MRO: variants seen among roughly 807,000 people sequenced by gnomAD.
MRO encodes the protein maestro, also known as protein maestro.
In MRO, 28 loss-of-function variants were observed where a neutral mutation model predicts 31.0. That is an observed-to-expected ratio of 0.90 (90% CI 0.67 to 1.24). The LOEUF (loss-of-function observed/expected upper bound fraction) is 1.24. Among genes scored for constraint, MRO ranks in the 50% most tolerant of loss-of-function variants. MRO has a pLI of 0.00. For synonymous variants in MRO, 108 were observed against 108.4 expected (o/e 1.00, Z 0.02); for missense variants, 332 against 289.2 (o/e 1.15, Z -1.07).
rs773168589 is a variant in MRO at position 50,805,149 on chromosome 18, C to G, written c.429+5G>C. 6.2e-7 allele frequency: 1 copy of G among 1,606,906 alleles called. No individual in the cohort carries two copies. The highest frequency in any genetic ancestry group is 8.5e-7 in the Non-Finnish European group (1 of 1,174,068). ...AATAACCCAGAATTTTTCTGATTTA[C>G]TTACGTCATCTAATAAAGTCCTGGT... On this transcript the variant is annotated splice_donor_5th_base_variant and intron_variant, in intron 5 of 7. Coordinates refer to ENST00000398439, the MANE Select transcript of MRO (RefSeq NM_031939.6).
At chr18:50,820,035 C>T, upstream of MRO, 8 of 1,317,454 alleles carry the variant, frequency 6.1e-6, no homozygotes, top group Non-Finnish European at 8.6e-6. Context: ...TTCCTCTGCA[C>T]CAAACAAAAC....
chr18:50,819,039 C>A (rs946675585), intron 2 of MRO, among the ~76,000 whole-genome samples: 1 of 151,094 alleles, frequency 6.6e-6, no homozygotes, highest in Admixed American at 6.6e-5. Context: ...GGCAACACAA[C>A]AAGACCCTGT....
rs141043088 is a variant in MRO, at chr18:50,808,645, C to T, written c.99+657G>A. ...CTAATTTTTGTGTTTTTGGTAGAGA[C>T]AGGGTTTTGCCACGTTGCCGGCTGG... On this transcript the variant is annotated intron_variant, in intron 3 of 7. Coordinates refer to ENST00000398439, the MANE Select transcript of MRO (RefSeq NM_031939.6). Among the ~76,000 whole-genome samples, 1,286 of 150,782 alleles carry T rather than the reference C, an allele frequency of 8.5e-3. 14 individuals are homozygous for T. The highest frequency in any genetic ancestry group is 0.028 in the African/African-American group (1,137 of 40,836).
At chr18:50,804,495 A>G (rs934758441) in intron 5 of MRO, among the ~76,000 whole-genome samples, 2 of 152,056 alleles carry the variant, frequency 1.3e-5, no homozygotes, top group East Asian at 3.9e-4. Context: ...CTGCGGTGGC[A>G]TGTGCCTATA....
intron 2 of MRO, among the ~76,000 whole-genome samples, chr18:50,811,037 A>G (rs1435766272): frequency 6.6e-6 from 1 of 152,180 alleles, no homozygotes; most frequent in Admixed American, 6.5e-5. Context: ...CAGAGCGTAT[A>G]TGACACATTG....
rs1913048983 is a variant in MRO at position 50,799,273 on chromosome 18, A to C, written c.*64T>G. 1 of 1,412,612 alleles carries C rather than the reference A, an allele frequency of 7.1e-7. No individual in the cohort carries two copies. Among genetic ancestry groups the C allele is most frequent in the Non-Finnish European group, 1.0e-6 (1 of 996,764 alleles). The allele number at this position is 1,412,612 out of a possible 1,614,324, so 87.5% of individuals were successfully genotyped here. A position where few individuals can be genotyped will look rare whatever the true frequency, so the allele number is the denominator to read the frequency against. ...GTGAGAAGAGGCATCCAGTGAGATA[A>C]AACAGGGGAACATGATGGCTCAGCA... On this transcript the variant is annotated 3_prime_UTR_variant, in exon 8 of 8. Coordinates refer to ENST00000398439, the MANE Select transcript of MRO (RefSeq NM_031939.6).
rs185968973 is a variant in MRO, at chr18:50,799,370, G to T, written c.714C>A (p.Ile238=). Residue 238 remains isoleucine (I), a synonymous_variant, in exon 8 of 8, where the codon ATC becomes ATA. Coordinates refer to ENST00000398439, the MANE Select transcript of MRO (RefSeq NM_031939.6). ...YQQLSHYHPE[I]LQFFYANKIL ...TTTTATTTGCGTAGAAGAACTGCAGGATCTCTGGATGATAGTGGCTCTGAA... is the reference window on the plus strand; with the variant it reads ...TTTTATTTGCGTAGAAGAACTGCAGTATCTCTGGATGATAGTGGCTCTGAA... The T allele has an allele frequency of 2.0e-5, 32 of 1,614,032 alleles. No homozygotes were observed. The East Asian group carries it at 6.9e-4, about 35-fold the overall frequency.
At chr18:50,817,994 A>ACCCCCCCC (rs1283098232) in intron 2 of MRO, among the ~76,000 whole-genome samples, 1 of 109,728 alleles carries the variant, frequency 9.1e-6, no homozygotes. Context: ...AAGAACTCCC[A>ACCCCCCCC]CCCCCCGCCC....
intron 2 of MRO, chr18:50,815,585 G>A (rs1000085219): frequency 2.7e-5 from 8 of 299,696 alleles, no homozygotes; most frequent in Non-Finnish European, 5.3e-5. Flanking sequence ...AACTATGGTG[G>A]TGGTGGAAAC....
At position 50,818,002 on chromosome 18, in the gene MRO, C is replaced by A. The variant is rs12969059; in HGVS notation, c.-5+1579G>T. On this transcript the variant is annotated intron_variant, in intron 2 of 7. Coordinates refer to ENST00000398439, the MANE Select transcript of MRO (RefSeq NM_031939.6). ...CTTCTTAAAGAACTCCCACCCCCCG[C>A]CCCATGCCCTCCTTCCTGCCTGCAG... Among the ~76,000 whole-genome samples the A allele has an allele frequency of 7.7e-3, 898 of 116,118 alleles. 14 individuals are homozygous for A. The highest frequency in any genetic ancestry group is 0.029 in the African/African-American group (835 of 28,654). 76.2% of individuals were successfully genotyped at this position (116,118 alleles called of 152,430 possible). A position where few individuals can be genotyped will look rare whatever the true frequency, so the allele number is the denominator to read the frequency against.
upstream of MRO, chr18:50,820,076 C>A: frequency 1.0e-6 from 1 of 964,870 alleles, no homozygotes. Flanking sequence ...CCCATGCGGC[C>A]GCGAGATGGC....
chr18:50,824,020 C>T (rs1915407829), upstream of MRO: 2 of 152,290 alleles, frequency 1.3e-5, no homozygotes, highest in Admixed American at 6.5e-5. Context: ...AGATGATCCT[C>T]GCTGAAAAGG....
At chr18:50,810,533 A>T (rs928287724) in intron 2 of MRO, among the ~76,000 whole-genome samples, 1 of 152,228 alleles carries the variant, frequency 6.6e-6, no homozygotes, top group African/African-American at 2.4e-5. Context: ...TGGAAATCCG[A>T]GGAACTGAAA....
intron 3 of MRO, among the ~76,000 whole-genome samples, chr18:50,807,194 AG>A (rs1489105172): frequency 2.0e-5 from 3 of 152,176 alleles, no homozygotes; most frequent in African/African-American, 7.2e-5. Flanking sequence ...TCTGTTTCAC[AG>A]GGAAAGGTGT....
At chr18:50,803,060 G>C (rs1353983837) in intron 5 of MRO, among the ~76,000 whole-genome samples, 1 of 152,052 alleles carries the variant, frequency 6.6e-6, no homozygotes, top group Non-Finnish European at 1.5e-5. Flanking sequence ...ATCTAACTGG[G>C]AACACACGCA....
At position 50,805,309 on chromosome 18, in the gene MRO, C is replaced by T. The variant is rs763113110; in HGVS notation, c.274G>A (p.Asp92Asn). The T allele has an allele frequency of 1.5e-5, 25 of 1,613,686 alleles. No individual in the cohort carries two copies. The highest frequency in any genetic ancestry group is 1.5e-4 in the African/African-American group (11 of 74,874). The change falls in exon 5 of 8, where the codon GAC becomes AAC. Residue 92 changes from aspartate (D) to asparagine (N), a missense_variant. Coordinates refer to ENST00000398439, the MANE Select transcript of MRO (RefSeq NM_031939.6). ...TCATACAGTCCATACACCAGCAGGTCGAGGACAATTTTCTTATACTTTCTC... is the reference window on the plus strand; with the variant it reads ...TCATACAGTCCATACACCAGCAGGTTGAGGACAATTTTCTTATACTTTCTC... Reference protein sequence around the residue: ...KVRKYKKIVLDLLVYGLYDPV... With the variant: ...KVRKYKKIVLNLLVYGLYDPV...
chr18:50,820,325 A>G (rs1318377687), upstream of MRO, among the ~76,000 whole-genome samples: 2 of 152,206 alleles, frequency 1.3e-5, no homozygotes, highest in African/African-American at 4.8e-5. Context: ...AGCTCTCAAA[A>G]TGATTTATTG....
rs17805042 is a variant in MRO at position 50,798,205 on chromosome 18, C to A, written c.*1132G>T. On this transcript the variant is annotated 3_prime_UTR_variant, in exon 8 of 8. Transcript: ENST00000398439. The stretch of plus-strand genomic sequence containing the variant: ...TTAGAGATTTTTCTTGTAATTTTTA[C>A]GAGTGATGTGACTCCTTGGATAACT... The A allele has an allele frequency of 6.6e-6, 1 of 152,004 alleles. No homozygotes were observed. The highest frequency in any genetic ancestry group is 1.5e-5 in the Non-Finnish European group (1 of 68,014). 9.4% of individuals were successfully genotyped at this position (152,004 alleles called of 1,614,324 possible).
chr18:50,803,701 A>G (rs1047310071), intron 5 of MRO, among the ~76,000 whole-genome samples: 10 of 152,222 alleles, frequency 6.6e-5, no homozygotes, highest in African/African-American at 2.4e-4. Flanking sequence ...TCTCTGGAGC[A>G]GGTGAGACAC....
Sources: gnomAD v4.1 joint callset for allele counts (sites outside exome capture counted in the v4.1 genomes callset) on GRCh38, gnomAD v4.1.1 for gene constraint, MANE v1.5 for transcripts, NCBI Gene and HGNC (gene_info 2026-07-23, HGNC 2026-07-21) for gene names.